The following SAMD12 variants were observed in gnomAD, a reference collection of about 807,000 sequenced individuals.
SAMD12 encodes the protein sterile alpha motif domain containing 12.
Under a neutral mutation model 15.0 loss-of-function variants are expected in SAMD12, and 9 were observed. The ratio of observed to expected loss-of-function variants is 0.60; its 90% CI spans 0.36 to 1.05. The LOEUF (loss-of-function observed/expected upper bound fraction) is 1.05. Among genes scored for constraint, SAMD12 ranks in the 50% least tolerant of loss-of-function variants. The pLI is 0.01. For synonymous variants in SAMD12, 86 were observed against 90.1 expected (o/e 0.96, Z 0.25); for missense variants, 230 against 234.2 (o/e 0.98, Z 0.12).
At chr8:118,534,269 C>T (rs892079255) in intron 2 of SAMD12, among the ~76,000 whole-genome samples, 4 of 152,112 alleles carry the variant, frequency 2.6e-5, no homozygotes, top group African/African-American at 9.7e-5. Context: ...TGAATATTGG[C>T]CCCCACTCTC....
intron 2 of SAMD12, among the ~76,000 whole-genome samples, chr8:118,549,672 C>G (rs945303921): frequency 2.6e-5 from 4 of 152,224 alleles, no homozygotes; most frequent in African/African-American, 9.7e-5. Flanking sequence ...TGGAACAAAG[C>G]TGGACGGAGA....
At chr8:118,374,901 T>TA (rs1819303095), downstream of SAMD12, among the ~76,000 whole-genome samples, 2 of 151,744 alleles carry the variant, frequency 1.3e-5, no homozygotes, top group Non-Finnish European at 2.9e-5. Context: ...GATATGTGAT[T>TA]TATATATATT....
the SAMD12 span, among the ~76,000 whole-genome samples, chr8:118,175,023 G>GCAAAAAAAA: frequency 1.0e-5 from 1 of 97,794 alleles, no homozygotes; most frequent in East Asian, 3.0e-4. Context: ...TAGCAGTAAA[G>GCAAAAAAAA]CAAAAAAAAA....
chr8:118,426,644 A>C (rs189324661), intron 3 of SAMD12, among the ~76,000 whole-genome samples: 2 of 152,330 alleles, frequency 1.3e-5, no homozygotes, highest in East Asian at 3.9e-4. Flanking sequence ...TTTCCTGTCA[A>C]ATACTATCAC....
At chr8:118,224,686 C>T (rs1325779597) in intron 4 of SAMD12, among the ~76,000 whole-genome samples, 2 of 152,102 alleles carry the variant, frequency 1.3e-5, no homozygotes, top group African/African-American at 4.8e-5. Flanking sequence ...TTATATGTTC[C>T]AAGAAGCTTC....
intron 2 of SAMD12, among the ~76,000 whole-genome samples, chr8:118,507,556 T>C (rs943957944): frequency 2.0e-5 from 3 of 152,150 alleles, no homozygotes; most frequent in Non-Finnish European, 4.4e-5. Flanking sequence ...ATCTCAGACT[T>C]AATTGGGATT....
chr8:118,146,515 G>A, the SAMD12 span, among the ~76,000 whole-genome samples: 2 of 152,172 alleles, frequency 1.3e-5, no homozygotes, highest in African/African-American at 4.8e-5. Context: ...AATTCTCTGT[G>A]TTTAGATACT....
intron 2 of SAMD12, among the ~76,000 whole-genome samples, chr8:118,452,363 C>T (rs1823110604): frequency 1.3e-5 from 2 of 152,154 alleles, no homozygotes; most frequent in Non-Finnish European, 2.9e-5. Context: ...TCACCACCAA[C>T]ATAGTGAGAA....
downstream of SAMD12, among the ~76,000 whole-genome samples, chr8:118,185,530 C>T (rs1819228509): frequency 6.6e-6 from 1 of 152,150 alleles, no homozygotes; most frequent in Non-Finnish European, 1.5e-5. Context: ...ATAATGGCCT[C>T]CAGCTCCATC....
intron 2 of SAMD12, among the ~76,000 whole-genome samples, chr8:118,569,833 T>G (rs72678162): frequency 0.013 from 1,952 of 152,328 alleles, 22 homozygotes; most frequent in Middle Eastern, 0.041. Context: ...AAGTCTCCAG[T>G]AATTTGTTAC....
intron 2 of SAMD12, among the ~76,000 whole-genome samples, chr8:118,573,419 G>A (rs1222270667): frequency 1.3e-5 from 2 of 152,120 alleles, no homozygotes; most frequent in African/African-American, 4.8e-5. Flanking sequence ...ACCCAGTCTT[G>A]GGTATTTTCT....
At chr8:118,239,643 C>T (rs947069730) in intron 4 of SAMD12, among the ~76,000 whole-genome samples, 4 of 152,156 alleles carry the variant, frequency 2.6e-5, no homozygotes, top group Non-Finnish European at 5.9e-5. Flanking sequence ...TCTACCCAGG[C>T]CATTTGTTCT....
At chr8:118,257,362 C>T (rs761479844) in intron 4 of SAMD12, among the ~76,000 whole-genome samples, 42 of 152,170 alleles carry the variant, frequency 2.8e-4, no homozygotes, top group Non-Finnish European at 5.1e-4. Context: ...AATGCTGAGA[C>T]GGCAGAATCC....
At chr8:118,621,766 T>A in intron 1 of SAMD12, 38 bp downstream of exon 1, 1 of 1,612,244 alleles carries the variant, frequency 6.2e-7, no homozygotes, top group Non-Finnish European at 8.5e-7. Context: ...GGTGCGCGGG[T>A]TAAGAGGGAG....
At chr8:118,562,855 C>T (rs560541243) in intron 2 of SAMD12, among the ~76,000 whole-genome samples, 12 of 152,136 alleles carry the variant, frequency 7.9e-5, no homozygotes, top group Admixed American at 2.0e-4. Flanking sequence ...TTCAAGTAGA[C>T]CTGTCCACTG....
chr8:118,264,131 A>G (rs1263346907), intron 4 of SAMD12, among the ~76,000 whole-genome samples: 1 of 152,096 alleles, frequency 6.6e-6, no homozygotes, highest in East Asian at 1.9e-4. Flanking sequence ...CTTCTAGTTA[A>G]CTCTATAAAG....
At chr8:118,371,516 C>T (rs956959232) in intron 4 of SAMD12, among the ~76,000 whole-genome samples, 13 of 152,090 alleles carry the variant, frequency 8.5e-5, no homozygotes, top group South Asian at 6.2e-4. Context: ...ATGAGGAAAA[C>T]GGAGTAATCA....
intron 2 of SAMD12, among the ~76,000 whole-genome samples, chr8:118,477,621 T>C (rs909456449): frequency 3.9e-5 from 6 of 152,178 alleles, no homozygotes; most frequent in Non-Finnish European, 8.8e-5. Context: ...TGAATATCAG[T>C]TGAACATTTG....
chr8:118,548,667 G>C (rs967177793), intron 2 of SAMD12, among the ~76,000 whole-genome samples: 6 of 152,350 alleles, frequency 3.9e-5, no homozygotes, highest in South Asian at 2.1e-4. Flanking sequence ...GAGTGCCAGA[G>C]AGTGGGCGCA....
Sources: allele counts gnomAD v4.1 joint callset (sites outside exome capture counted in the v4.1 genomes callset), GRCh38; gene constraint gnomAD v4.1.1; transcripts MANE v1.5; gene names NCBI Gene and HGNC (gene_info 2026-07-23, HGNC 2026-07-21).